Variants in ACYP2 observed in about 807,000 individuals in gnomAD.
ACYP2 encodes the protein acylphosphatase 2, also known as acylphosphatase-2.
In ACYP2, 12 loss-of-function variants were observed where a neutral mutation model predicts 11.2. That is an observed-to-expected ratio of 1.08 (90% CI 0.69 to 1.74). The LOEUF (loss-of-function observed/expected upper bound fraction) is 1.74. Among genes scored for constraint, ACYP2 ranks in the 40% most tolerant of loss-of-function variants. The probability of loss-of-function intolerance (pLI) is 0.00; values close to 1 mark genes in which losing one functional copy is unlikely to be tolerated. For synonymous variants in ACYP2, 43 were observed against 32.2 expected (o/e 1.33, Z -1.13); for missense variants, 134 against 101.9 (o/e 1.31, Z -1.35).
chr2:54,046,482 T>TAA (rs34695884), intron 2 of ACYP2, among the ~76,000 whole-genome samples: 11 of 88,770 alleles, frequency 1.2e-4, no homozygotes, highest in Admixed American at 1.3e-4. Context: ...CAAGACTGTC[T>TAA]AAAAAAAAAA....
chr2:54,083,022 C>T (rs1391333092), intron 4 of ACYP2, among the ~76,000 whole-genome samples: 1 of 150,934 alleles, frequency 6.6e-6, no homozygotes, highest in Non-Finnish European at 1.5e-5. Context: ...TGTAGTGAGC[C>T]AAGATCATGC....
At chr2:53,987,426 C>T (rs918298414) in intron 2 of ACYP2, among the ~76,000 whole-genome samples, 3 of 151,276 alleles carry the variant, frequency 2.0e-5, no homozygotes, top group African/African-American at 7.3e-5. Context: ...TCCCATTTAG[C>T]AAAGAGAACA....
At chr2:54,107,642 A>G (rs1003839482) in intron 4 of ACYP2, among the ~76,000 whole-genome samples, 15 of 152,216 alleles carry the variant, frequency 9.9e-5, no homozygotes, top group African/African-American at 3.4e-4. Flanking sequence ...GGCAGGGCTA[A>G]TGAAAGAGGC....
chr2:54,029,330 A>G (rs945899855), intron 2 of ACYP2, among the ~76,000 whole-genome samples: 2 of 151,942 alleles, frequency 1.3e-5, no homozygotes, highest in East Asian at 3.9e-4. Flanking sequence ...CTCACTGTTG[A>G]TGTTTACCTT....
chr2:54,228,095 G>T (rs1383906012), intron 6 of ACYP2, among the ~76,000 whole-genome samples: 1 of 152,222 alleles, frequency 6.6e-6, no homozygotes, highest in East Asian at 1.9e-4. Context: ...GAAATGGAAG[G>T]AATGTAGCTG....
chr2:54,289,222 T>TC (rs1258502776), intron 6 of ACYP2, among the ~76,000 whole-genome samples: 1 of 151,996 alleles, frequency 6.6e-6, no homozygotes, highest in East Asian at 1.9e-4. Context: ...CATCCTTCCT[T>TC]CTTCTACTTT....
At chr2:54,006,304 C>T (rs1186327830) in intron 2 of ACYP2, among the ~76,000 whole-genome samples, 6 of 152,106 alleles carry the variant, frequency 3.9e-5, no homozygotes, top group Non-Finnish European at 2.9e-5. Context: ...CCTGCTACCA[C>T]GCCCGGCTAA....
At chr2:54,033,672 G>GATC (rs961073943) in intron 2 of ACYP2, among the ~76,000 whole-genome samples, 9 of 152,216 alleles carry the variant, frequency 5.9e-5, no homozygotes, top group Non-Finnish European at 1.0e-4. Context: ...GGAGTGACAT[G>GATC]ATCAGACCTG....
chr2:54,070,848 C>T (rs1483626265), intron 4 of ACYP2, among the ~76,000 whole-genome samples: 2 of 151,840 alleles, frequency 1.3e-5, no homozygotes, highest in Admixed American at 1.3e-4. Context: ...GTGATCCTCC[C>T]ACCTCAGCCT....
chr2:54,231,707 C>T (rs1686243644), intron 6 of ACYP2, among the ~76,000 whole-genome samples: 2 of 152,180 alleles, frequency 1.3e-5, no homozygotes, highest in African/African-American at 4.8e-5. Flanking sequence ...CACTCATTGG[C>T]ATCTAGACTT....
chr2:54,009,867 G>T (rs898453534), intron 2 of ACYP2, among the ~76,000 whole-genome samples: 1 of 152,168 alleles, frequency 6.6e-6, no homozygotes, highest in African/African-American at 2.4e-5. Context: ...ACCTTCACAG[G>T]AAGTCTTTGA....
At chr2:54,177,570 C>A (rs1683514921) in intron 6 of ACYP2, among the ~76,000 whole-genome samples, 1 of 123,026 alleles carries the variant, frequency 8.1e-6, no homozygotes, top group South Asian at 2.2e-4. Context: ...AGGACTGATA[C>A]CTACTATTTT....
In ACYP2 at chr2:54,263,641, T is replaced by C. The variant is rs527908884; in HGVS notation, c.405-41047T>C. On this transcript the variant is annotated intron_variant, in intron 6 of 6. Coordinates refer to ENST00000607452, the MANE Select transcript of ACYP2 (RefSeq NM_001320586.2). The stretch of plus-strand genomic sequence containing the variant: ...CCCTGTCGAAAAAAAAGCTTTGGGT[T>C]GTCCATTGATATTTTCTCTTTCCTT... Among the ~76,000 whole-genome samples, 25 of 152,322 alleles carry C rather than the reference T, an allele frequency of 1.6e-4. No individual in the cohort carries two copies. The South Asian group carries it at 5.2e-3, about 32-fold the overall frequency.
intron 6 of ACYP2, among the ~76,000 whole-genome samples, chr2:54,173,517 C>G (rs1204714663): frequency 1.3e-5 from 2 of 152,138 alleles, no homozygotes; most frequent in African/African-American, 2.4e-5. Context: ...ATGGTAGTTT[C>G]TTTTGATGTG....
intron 6 of ACYP2, among the ~76,000 whole-genome samples, chr2:54,221,171 C>A (rs1685785105): frequency 6.6e-6 from 1 of 152,170 alleles, no homozygotes; most frequent in African/African-American, 2.4e-5. Context: ...CTGAGCCCAA[C>A]CTATAGCCTG....
At position 54,154,022 on chromosome 2, in the gene ACYP2, C is replaced by T. The variant is rs13421331; in HGVS notation, c.404+15274C>T. On this transcript the variant is annotated intron_variant, in intron 6 of 6. Transcript: ENST00000607452. ...TATATTTTTCAGTGTACAGAGCTTT[C>T]ATCTCATTGGTTAAACTTATTCTCC... 7.4e-3 allele frequency among the ~76,000 whole-genome samples: 1,121 copies of T among 151,584 alleles called. 6 individuals carry two copies. The highest frequency in any genetic ancestry group is 0.026 in the African/African-American group (1,083 of 41,370).
intron 6 of ACYP2, among the ~76,000 whole-genome samples, chr2:54,217,487 C>T (rs535654706): frequency 2.6e-5 from 4 of 152,076 alleles, no homozygotes; most frequent in East Asian, 1.9e-4. Context: ...CTACCTTAGC[C>T]TCCCGAGTAG....
intron 1 of ACYP2, among the ~76,000 whole-genome samples, chr2:53,973,561 A>C (rs962469139): frequency 6.6e-6 from 1 of 152,164 alleles, no homozygotes. Flanking sequence ...CCAACCCTTA[A>C]GAAGGTTCTT....
At chr2:54,303,590 T>C (rs1689810512) in intron 6 of ACYP2, among the ~76,000 whole-genome samples, 1 of 152,200 alleles carries the variant, frequency 6.6e-6, no homozygotes, top group Non-Finnish European at 1.5e-5. Context: ...AGTAAAACTG[T>C]CACAGATAAG....
Sources: gnomAD v4.1 joint callset for allele counts (sites outside exome capture counted in the v4.1 genomes callset) on GRCh38, gnomAD v4.1.1 for gene constraint, MANE v1.5 for transcripts, NCBI Gene and HGNC (gene_info 2026-07-23, HGNC 2026-07-21) for gene names.